Variants in GPM6A observed in about 807,000 individuals in gnomAD.
GPM6A encodes the protein neuronal membrane glycoprotein M6-a.
A neutral mutation model predicts 32.1 loss-of-function variants in GPM6A; 7 were observed. The observed-to-expected ratio is 0.22, with a 90% CI of 0.12 to 0.41. The LOEUF (loss-of-function observed/expected upper bound fraction) is 0.41, where lower values mean the gene tolerates loss of function less well. GPM6A is among the 10% of genes least tolerant of loss of function. GPM6A has a pLI of 1.00. For synonymous variants in GPM6A, 130 were observed against 123.4 expected (o/e 1.05, Z -0.35); for missense variants, 235 against 347.2 (o/e 0.68, Z 2.57).
intron 2 of GPM6A, among the ~76,000 whole-genome samples, chr4:175,690,720 G>A (rs1234557498): frequency 1.3e-5 from 2 of 152,126 alleles, no homozygotes; most frequent in South Asian, 2.1e-4. Flanking sequence ...GGGGATTTGG[G>A]GCTCATCCAG....
chr4:175,674,505 T>C (rs986643537), intron 2 of GPM6A, among the ~76,000 whole-genome samples: 1 of 152,196 alleles, frequency 6.6e-6, no homozygotes, highest in Non-Finnish European at 1.5e-5. Flanking sequence ...AATTATCATA[T>C]GATTTCTCTA....
intron 1 of GPM6A, among the ~76,000 whole-genome samples, chr4:175,875,944 GC>G (rs1323193558): frequency 7.9e-5 from 12 of 152,108 alleles, no homozygotes; most frequent in Admixed American, 3.3e-4. Context: ...TAAAAAGCAA[GC>G]AAGAAGAAAT....
intron 2 of GPM6A, among the ~76,000 whole-genome samples, chr4:175,698,277 G>C (rs944935403): frequency 6.6e-6 from 1 of 152,124 alleles, no homozygotes; most frequent in African/African-American, 2.4e-5. Context: ...GAATTTGGTT[G>C]AACTAAGTAT....
At chr4:175,723,545 G>A (rs983767130) in intron 1 of GPM6A, among the ~76,000 whole-genome samples, 4 of 151,996 alleles carry the variant, frequency 2.6e-5, no homozygotes, top group Non-Finnish European at 5.9e-5. Context: ...GGTATTTCTG[G>A]GGGAGTTTGG....
intron 1 of GPM6A, among the ~76,000 whole-genome samples, chr4:175,716,201 G>C (rs1292687221): frequency 2.0e-5 from 3 of 152,120 alleles, no homozygotes; most frequent in Non-Finnish European, 4.4e-5. Context: ...AACCAACTAA[G>C]ACAGATCCAA....
chr4:175,714,128 T>C (rs1745704037), intron 1 of GPM6A, among the ~76,000 whole-genome samples: 1 of 152,172 alleles, frequency 6.6e-6, no homozygotes, highest in Non-Finnish European at 1.5e-5. Context: ...TGGGTTTTTA[T>C]CAAGTTCTTC....
intron 1 of GPM6A, among the ~76,000 whole-genome samples, chr4:175,929,290 C>T (rs1738948322): frequency 6.6e-6 from 1 of 152,156 alleles, no homozygotes; most frequent in South Asian, 2.1e-4. Flanking sequence ...TATCACCTAT[C>T]TCAGTCAAAA....
intron 1 of GPM6A, among the ~76,000 whole-genome samples, chr4:175,897,561 C>T (rs1344328890): frequency 6.6e-6 from 1 of 152,118 alleles, no homozygotes; most frequent in East Asian, 1.9e-4. Flanking sequence ...TCATTTATTG[C>T]ACAATGTTTC....
At chr4:175,802,951 T>A (rs943370749) in intron 1 of GPM6A, among the ~76,000 whole-genome samples, 3 of 152,150 alleles carry the variant, frequency 2.0e-5, no homozygotes, top group Non-Finnish European at 4.4e-5. Context: ...AATAAAAGAA[T>A]TATTTTTAAT....
intron 1 of GPM6A, among the ~76,000 whole-genome samples, chr4:175,783,298 T>A (rs1319054094): frequency 6.6e-6 from 1 of 151,930 alleles, no homozygotes; most frequent in Non-Finnish European, 1.5e-5. Flanking sequence ...GCCAATAATT[T>A]TTTTAAAAAT....
rs546072401 is a variant in GPM6A at position 175,985,606 on chromosome 4, T to C, written c.-23+16703A>G. Among the ~76,000 whole-genome samples the C allele has an allele frequency of 3.3e-5, 5 of 152,270 alleles. 1 individual carries two copies. The South Asian group carries it at 1.0e-3, about 32-fold the overall frequency. On this transcript the variant is annotated intron_variant, in intron 1 of 7. Coordinates refer to the GPM6A transcript ENST00000280187. Reference sequence around the variant, plus strand: ...AAACAAAGTCAGCGCTGAATAGCAATGGCAAGAGTGAGTGTCCTTTTCCTG... The same window carrying C: ...AAACAAAGTCAGCGCTGAATAGCAACGGCAAGAGTGAGTGTCCTTTTCCTG...
At chr4:175,675,859 C>G (rs1481211176) in intron 2 of GPM6A, among the ~76,000 whole-genome samples, 2 of 151,850 alleles carry the variant, frequency 1.3e-5, no homozygotes, top group African/African-American at 4.8e-5. Flanking sequence ...GCCATGCTGC[C>G]CAGATTGGTC....
chr4:175,995,904 T>C (rs1001660329), intron 1 of GPM6A, among the ~76,000 whole-genome samples: 2 of 146,224 alleles, frequency 1.4e-5, no homozygotes, highest in Admixed American at 1.3e-4. Context: ...ATGTCGTTCA[T>C]ACAGGTCAAG....
At chr4:175,909,380 C>T (rs139162602) in intron 1 of GPM6A, among the ~76,000 whole-genome samples, 15 of 152,104 alleles carry the variant, frequency 9.9e-5, no homozygotes, top group Middle Eastern at 3.4e-3. Flanking sequence ...TTAATCATCC[C>T]GATAATCTAG....
At chr4:175,907,542 T>C (rs1246300156) in intron 1 of GPM6A, among the ~76,000 whole-genome samples, 3 of 152,120 alleles carry the variant, frequency 2.0e-5, no homozygotes, top group Non-Finnish European at 4.4e-5. Flanking sequence ...GAGGACATGC[T>C]ACCCCCAAAT....
intron 1 of GPM6A, among the ~76,000 whole-genome samples, chr4:175,973,826 A>G (rs1482290129): frequency 6.6e-6 from 1 of 152,168 alleles, no homozygotes; most frequent in Non-Finnish European, 1.5e-5. Context: ...CGCTTGTCTT[A>G]TCCGCTTTTA....
chr4:175,923,975 T>TA (rs770342736), intron 1 of GPM6A, among the ~76,000 whole-genome samples: 122 of 152,326 alleles, frequency 8.0e-4, no homozygotes, highest in Non-Finnish European at 1.5e-3. Flanking sequence ...TGGGATCATC[T>TA]AGGTTTGCCT....
intron 1 of GPM6A, among the ~76,000 whole-genome samples, chr4:175,729,762 A>G (rs1731332672): frequency 7.0e-6 from 1 of 143,216 alleles, no homozygotes; most frequent in African/African-American, 2.6e-5. Context: ...TATAGTATAT[A>G]TTATCTATTA....
At chr4:175,665,503 C>T (rs1038637802) in intron 3 of GPM6A, among the ~76,000 whole-genome samples, 8 of 152,084 alleles carry the variant, frequency 5.3e-5, no homozygotes, top group Non-Finnish European at 8.8e-5. Context: ...ATTGGACGGC[C>T]GTGGTGGTGG....
Sources: allele counts gnomAD v4.1 joint callset (sites outside exome capture counted in the v4.1 genomes callset), GRCh38; gene constraint gnomAD v4.1.1; transcripts MANE v1.5; gene names NCBI Gene and HGNC (gene_info 2026-07-23, HGNC 2026-07-21).